The following TSHR variants were observed in gnomAD, a reference collection of about 807,000 sequenced individuals.
TSHR encodes the protein thyroid stimulating hormone receptor.
TSHR carries 51 observed loss-of-function variants against 64.1 expected under a neutral mutation model. That is an observed-to-expected ratio of 0.80 (90% confidence interval 0.64 to 1.01). The LOEUF (loss-of-function observed/expected upper bound fraction) is 1.01, where lower values mean the gene tolerates loss of function less well. TSHR is among the 50% of genes least tolerant of loss of function. TSHR has a pLI of 0.00. For synonymous variants in TSHR, 361 were observed against 361.9 expected (o/e 1.00, Z 0.03); for missense variants, 877 against 942.8 (o/e 0.93, Z 0.91).
intron 1 of TSHR, among the ~76,000 whole-genome samples, chr14:80,976,427 G>C (rs551219929): frequency 3.3e-5 from 5 of 152,118 alleles, no homozygotes; most frequent in Non-Finnish European, 7.3e-5. Context: ...CTCTTCCACT[G>C]TTCATTTTAA....
intron 1 of TSHR, among the ~76,000 whole-genome samples, chr14:81,029,996 A>C (rs1884265504): frequency 6.6e-6 from 1 of 152,184 alleles, no homozygotes; most frequent in Admixed American, 6.5e-5. Context: ...AGAGTTCTGC[A>C]CAAAGGCCTC....
chr14:81,135,326 T>C (rs1891410044), intron 8 of TSHR, among the ~76,000 whole-genome samples: 1 of 152,192 alleles, frequency 6.6e-6, no homozygotes, highest in Non-Finnish European at 1.5e-5. Context: ...AAAGGAGGCA[T>C]GGATTTCAAG....
In TSHR at chr14:81,109,234, C is replaced by G. The variant is rs893720534; in HGVS notation, c.692+782C>G. 3.3e-5 allele frequency among the ~76,000 whole-genome samples: 5 copies of G among 152,052 alleles called. No homozygotes were observed. The South Asian group carries it at 1.0e-3, about 32-fold the overall frequency. On this transcript the variant is annotated intron_variant, in intron 8 of 9. Transcript: ENST00000298171. ...ACCATCCTGGCTAACATGGTGAAAC[C>G]CTGTCTCCACTAAAAATACAAAAAA...
chr14:80,972,286 T>A (rs1415241291), intron 1 of TSHR, among the ~76,000 whole-genome samples: 4 of 152,192 alleles, frequency 2.6e-5, no homozygotes, highest in African/African-American at 9.7e-5. Context: ...CTATCATTGT[T>A]CTGTGGGGTT....
chr14:81,085,556 G>A (rs1008747033), intron 3 of TSHR, among the ~76,000 whole-genome samples: 1 of 151,912 alleles, frequency 6.6e-6, no homozygotes, highest in African/African-American at 2.4e-5. Context: ...CTCCATGTAA[G>A]TTGCCAGCCT....
chr14:81,093,836 C>T (rs1888950135), intron 6 of TSHR: 1 of 152,200 alleles, frequency 6.6e-6, no homozygotes, highest in South Asian at 2.1e-4. Context: ...ACTTCAAAGC[C>T]ATTTACTTCC....
chr14:81,123,459 C>T, intron 8 of TSHR, among the ~76,000 whole-genome samples: 1 of 152,108 alleles, frequency 6.6e-6, no homozygotes, highest in East Asian at 1.9e-4. Flanking sequence ...TATAACCTTC[C>T]TGTATCAAAA....
chr14:81,103,038 T>A lies in TSHR; in HGVS notation c.615-5337T>A, dbSNP rs556230588. On this transcript the variant is annotated intron_variant, in intron 7 of 9. Coordinates refer to ENST00000298171, the MANE Select transcript of TSHR (RefSeq NM_000369.5). This position sits in a 1 kb window ranked among gnomAD's most constrained non-coding sequence, Gnocchi z 4.1. ...TCCTAGTCAATAGAAATTTATTCTT[T>A]CCTAGATTTAAGCACTTCAGTAAAA... 1 of 985,416 alleles carries A rather than the reference T, an allele frequency of 1.0e-6. No homozygotes were observed. Among genetic ancestry groups the A allele is most frequent in the Non-Finnish European group, 1.2e-6 (1 of 829,930 alleles). 61.0% of individuals were successfully genotyped at this position (985,416 alleles called of 1,614,324 possible).
intron 1 of TSHR, among the ~76,000 whole-genome samples, chr14:81,049,263 G>A (rs1885317225): frequency 6.6e-6 from 1 of 152,168 alleles, no homozygotes; most frequent in East Asian, 1.9e-4. Flanking sequence ...AATGCCTGGA[G>A]CATGGTAGGC....
At chr14:80,970,542 C>T (rs983997721) in intron 1 of TSHR, among the ~76,000 whole-genome samples, 8 of 152,202 alleles carry the variant, frequency 5.3e-5, no homozygotes, top group Non-Finnish European at 7.3e-5. Flanking sequence ...GACCTGCTGG[C>T]GAGTCCACAG....
At chr14:81,019,457 C>A (rs370178651) in intron 1 of TSHR, among the ~76,000 whole-genome samples, 34 of 118,388 alleles carry the variant, frequency 2.9e-4, no homozygotes, top group Admixed American at 1.7e-3. Flanking sequence ...ATCATCAATT[C>A]TTTTTTTTTT....
chr14:81,062,409 T>C (rs1192505595), intron 2 of TSHR, among the ~76,000 whole-genome samples, 190 bp downstream of exon 2: 2 of 152,150 alleles, frequency 1.3e-5, no homozygotes, highest in Non-Finnish European at 2.9e-5. Flanking sequence ...AATTCCTACA[T>C]GATTTTTTAA....
intron 1 of TSHR, among the ~76,000 whole-genome samples, chr14:81,059,388 A>G (rs965313950): frequency 5.3e-5 from 8 of 152,222 alleles, no homozygotes; most frequent in African/African-American, 1.9e-4. Context: ...ATTTATACCA[A>G]AAGTCAACAA....
At chr14:81,124,728 C>T (rs1469772535) in intron 8 of TSHR, among the ~76,000 whole-genome samples, 1 of 151,908 alleles carries the variant, frequency 6.6e-6, no homozygotes, top group Non-Finnish European at 1.5e-5. Flanking sequence ...TTATTCTAGC[C>T]ATTCTAATGG....
intron 9 of TSHR, among the ~76,000 whole-genome samples, chr14:81,142,663 T>C (rs1361087245): frequency 6.8e-6 from 1 of 147,556 alleles, no homozygotes; most frequent in Non-Finnish European, 1.5e-5. Context: ...GGCTAGAGTA[T>C]AGTGGCCTGA....
At chr14:80,982,504 GTCAT>G in intron 1 of TSHR, 1 of 1,041,264 alleles carries the variant, frequency 9.6e-7, no homozygotes, top group South Asian at 2.7e-5. Flanking sequence ...GGAAGAGAAT[GTCAT>G]TGGGAACTGG....
intron 3 of TSHR, among the ~76,000 whole-genome samples, chr14:81,074,363 A>G (rs548203997): frequency 6.6e-6 from 1 of 152,180 alleles, no homozygotes; most frequent in Non-Finnish European, 1.5e-5. Flanking sequence ...AATGTTTAAT[A>G]CATTTGTTTT....
chr14:81,114,802 C>T (rs1204875673), intron 8 of TSHR, among the ~76,000 whole-genome samples: 2 of 152,130 alleles, frequency 1.3e-5, no homozygotes, highest in Admixed American at 6.5e-5. Flanking sequence ...TGAAGAGAGC[C>T]GTGGTTCTAC....
intron 1 of TSHR, among the ~76,000 whole-genome samples, chr14:80,968,872 T>C (rs1410905209): frequency 6.6e-6 from 1 of 152,176 alleles, no homozygotes; most frequent in Non-Finnish European, 1.5e-5. Context: ...TCCTCTAGCA[T>C]GAGAAGCTCA....
Sources: allele counts gnomAD v4.1 joint callset (sites outside exome capture counted in the v4.1 genomes callset), GRCh38; gene constraint gnomAD v4.1.1; non-coding constraint Gnocchi (gnomAD v3.1); transcripts MANE v1.5; gene names NCBI Gene and HGNC (gene_info 2026-07-23, HGNC 2026-07-21).